The following NRK variants were observed in gnomAD, a reference collection of about 807,000 sequenced individuals.
NRK encodes the protein nik-related protein kinase.
NRK carries 67 observed loss-of-function variants against 125.2 expected under a neutral mutation model. That is an observed-to-expected ratio of 0.54 (90% confidence interval 0.44 to 0.66). The LOEUF (loss-of-function observed/expected upper bound fraction) is 0.66, where lower values mean the gene tolerates loss of function less well. Among genes scored for constraint, NRK ranks in the 30% least tolerant of loss-of-function variants. The pLI, the probability that NRK is intolerant of heterozygous loss-of-function variation, is 0.00. For missense variants in NRK, 1,224 were observed against 1,192.9 expected (o/e 1.03, Z -0.38); for synonymous variants, 458 against 429.0 (o/e 1.07, Z -0.84).
At chrX:105,827,574 T>TTG (rs1233765771) in intron 1 of NRK, among the ~76,000 whole-genome samples, 1 of 111,562 alleles carries the variant, frequency 9.0e-6, no homozygotes, top group African/African-American at 3.3e-5. Context: ...AAGATGGTCT[T>TTG]TCTTCCCTGC....
At chrX:105,953,527 T>A (rs892759133) in intron 28 of NRK, among the ~76,000 whole-genome samples, 1 of 111,807 alleles carries the variant, frequency 8.9e-6, no homozygotes, top group African/African-American at 3.2e-5. Context: ...ACAAAATGCT[T>A]GAGCAAATCT....
Position 105,898,697 on chromosome X carries a change from C to A in NRK, c.694C>A (p.Arg232Ser). 1.1e-5 allele frequency: 13 copies of A among 1,189,771 alleles called. No homozygotes were observed. The highest frequency in any genetic ancestry group is 1.4e-5 in the Non-Finnish European group (12 of 884,322). The change falls in exon 8 of 29, where the codon CGC (arginine) becomes AGC (serine). Residue 232 changes from arginine (R) to serine (S), a missense_variant. Physicochemically the swap from Arg to Ser is moderately radical, Grantham distance 110. Coordinates refer to ENST00000243300, the MANE Select transcript of NRK (RefSeq NM_198465.4). Reference sequence around the variant, plus strand: ...GATTGACTGTGATGAGGACCCAAGACGCTCCTATGATTACAGAGTGAGTGT... The same window carrying A: ...GATTGACTGTGATGAGGACCCAAGAAGCTCCTATGATTACAGAGTGAGTGT... ...EVIDCDEDPR[R>S]SYDYRSDVWS...
At chrX:105,900,369 T>A (rs2040142722) in intron 8 of NRK, among the ~76,000 whole-genome samples, 1 of 111,852 alleles carries the variant, frequency 8.9e-6, no homozygotes, top group South Asian at 3.7e-4. Context: ...TATCAATGCA[T>A]CCAAGATGAA....
intron 19 of NRK, among the ~76,000 whole-genome samples, chrX:105,928,593 ATCTT>A (rs2040554637): frequency 9.1e-6 from 1 of 110,405 alleles, no homozygotes; most frequent in African/African-American, 3.3e-5. Flanking sequence ...GTTATTCAAA[ATCTT>A]TCTACTTTTT....
At chrX:105,839,592 C>T (rs2039305120) in intron 2 of NRK, among the ~76,000 whole-genome samples, 1 of 111,929 alleles carries the variant, frequency 8.9e-6, no homozygotes, top group African/African-American at 3.2e-5. Context: ...TACCTATTAA[C>T]ATTGATTTGA....
intron 2 of NRK, among the ~76,000 whole-genome samples, chrX:105,849,866 G>T (rs1393582560): frequency 2.7e-5 from 3 of 112,041 alleles, no homozygotes; most frequent in Non-Finnish European, 5.6e-5. Flanking sequence ...TCACAGGCTG[G>T]CATTGAGTGT....
At position 105,860,251 on chromosome X, in the gene NRK, G is replaced by C. The variant is rs1421179811; in HGVS notation, c.124-19948G>C. On this transcript the variant is annotated intron_variant, in intron 2 of 28. Transcript: ENST00000243300. ...TTTTACCATACCAGAGCTTGCTTCA[G>C]TGTCCAGAGATTGACCATGCATTAA... Among the ~76,000 whole-genome samples the C allele has an allele frequency of 2.7e-5, 3 of 111,150 alleles. No individual in the cohort carries two copies. The Admixed American group carries it at 2.9e-4, about 11-fold the overall frequency.
At chrX:105,899,370 A>G (rs2040126765) in intron 8 of NRK, among the ~76,000 whole-genome samples, 2 of 112,048 alleles carry the variant, frequency 1.8e-5, no homozygotes, top group African/African-American at 6.5e-5. Flanking sequence ...AGTCCAAACA[A>G]TTAATTGTGG....
Position 105,945,870 on chromosome X carries a change from A to T in NRK, c.4060-2A>T. The T allele has an allele frequency of 8.3e-7, 1 of 1,206,168 alleles. No homozygotes were observed. The highest frequency in any genetic ancestry group is 2.2e-5 in the Admixed American group (1 of 45,864). The stretch of plus-strand genomic sequence containing the variant: ...TGTCTGGCCCTTTTCATTCCCTACC[A>T]AGTATGCATTGATCAATCAGCAGAC... On this transcript the variant is annotated splice_acceptor_variant, in intron 24 of 28. Transcript: ENST00000243300. LOFTEE classifies it high-confidence loss of function.
chrX:105,825,086 T>C (rs1473764093), intron 1 of NRK, among the ~76,000 whole-genome samples: 1 of 112,011 alleles, frequency 8.9e-6, no homozygotes, highest in Non-Finnish European at 1.9e-5. Flanking sequence ...ATCAAATTTT[T>C]AGTCATGGAA....
intron 14 of NRK, among the ~76,000 whole-genome samples, chrX:105,913,926 T>G (rs2040333290): frequency 9.0e-6 from 1 of 111,184 alleles, no homozygotes; most frequent in Non-Finnish European, 1.9e-5. Context: ...AGTATATTAA[T>G]AGTATCCTAT....
At chrX:105,950,715 A>G (rs1404843669) in intron 27 of NRK, among the ~76,000 whole-genome samples, 1 of 109,858 alleles carries the variant, frequency 9.1e-6, no homozygotes, top group Non-Finnish European at 1.9e-5. Context: ...TTTTGGGACT[A>G]AGGTGGAAAT....
intron 28 of NRK, among the ~76,000 whole-genome samples, chrX:105,953,429 G>A (rs2040928577): frequency 8.9e-6 from 1 of 112,024 alleles, no homozygotes; most frequent in Non-Finnish European, 1.9e-5. Flanking sequence ...CTTAAGCAAA[G>A]CTTAGCCATT....
chrX:105,902,692 C>T (rs960843363), intron 9 of NRK, among the ~76,000 whole-genome samples: 1 of 111,912 alleles, frequency 8.9e-6, no homozygotes, highest in Non-Finnish European at 1.9e-5. Context: ...ACCACCTGAG[C>T]TCTGACTCCT....
intron 22 of NRK, among the ~76,000 whole-genome samples, chrX:105,939,605 A>C (rs1294247857): frequency 9.0e-6 from 1 of 111,038 alleles, no homozygotes; most frequent in Non-Finnish European, 1.9e-5. Context: ...GCATAGTGGA[A>C]GGCTTAACTT....
intron 22 of NRK, among the ~76,000 whole-genome samples, chrX:105,938,780 T>C (rs1388473875): frequency 8.9e-6 from 1 of 111,811 alleles, no homozygotes; most frequent in Non-Finnish European, 1.9e-5. Context: ...CATGCTGCTA[T>C]AAGGACATAC....
At chrX:105,917,085 C>T (rs746382634) in intron 15 of NRK, among the ~76,000 whole-genome samples, 6 of 110,847 alleles carry the variant, frequency 5.4e-5, no homozygotes, top group Non-Finnish European at 1.1e-4. Context: ...ATAGTAAGAA[C>T]GAAAGTGCTC....
chrX:105,838,944 G>T (rs947010492), intron 2 of NRK, among the ~76,000 whole-genome samples: 3 of 110,765 alleles, frequency 2.7e-5, no homozygotes, highest in African/African-American at 9.8e-5. Flanking sequence ...ATAAATCACC[G>T]CCTGACACAT....
chrX:105,858,098 A>C (rs775480574), intron 2 of NRK, among the ~76,000 whole-genome samples: 1 of 111,547 alleles, frequency 9.0e-6, no homozygotes, highest in South Asian at 3.7e-4. Flanking sequence ...ATAGGGCAAA[A>C]AGTGTGTTTT....
Sources: gnomAD v4.1 joint callset for allele counts (sites outside exome capture counted in the v4.1 genomes callset) on GRCh38, gnomAD v4.1.1 for gene constraint, MANE v1.5 for transcripts, NCBI Gene and HGNC (gene_info 2026-07-23, HGNC 2026-07-21) for gene names.